Variants in APBB1IP observed in about 807,000 individuals in gnomAD.
The protein encoded by APBB1IP is amyloid beta precursor protein binding family B member 1 interacting protein, also known as amyloid beta A4 precursor protein-binding family B member 1-interacting protein.
Under a neutral mutation model 64.9 loss-of-function variants are expected in APBB1IP, and 27 were observed. That is an observed-to-expected ratio of 0.42 (90% CI 0.31 to 0.57). APBB1IP has a LOEUF of 0.57. Among genes scored for constraint, APBB1IP ranks in the 20% least tolerant of loss-of-function variants. APBB1IP has a pLI of 0.20. For missense variants in APBB1IP, 812 were observed against 845.5 expected (o/e 0.96, Z 0.49); for synonymous variants, 392 against 331.0 (o/e 1.18, Z -2.00).
chr10:26,477,666 C>T (rs572782683), intron 2 of APBB1IP, among the ~76,000 whole-genome samples: 46 of 152,320 alleles, frequency 3.0e-4, no homozygotes, highest in South Asian at 1.2e-3. Flanking sequence ...CTATGCTTAG[C>T]AACAAAACAC....
rs544472321 is a variant in APBB1IP at position 26,567,770 on chromosome 10, A to G, written c.*282A>G. Reference sequence around the variant, plus strand: ...GGTTCATTTATTTTATTATGTTCAGAAGCATCAAATAAAAGTTAAACGTTT... The same window carrying G: ...GGTTCATTTATTTTATTATGTTCAGGAGCATCAAATAAAAGTTAAACGTTT... On this transcript the variant is annotated 3_prime_UTR_variant, in exon 15 of 15. Transcript: ENST00000376236. The G allele has an allele frequency of 2.0e-6, 1 of 494,248 alleles. No homozygotes were observed. Among genetic ancestry groups the G allele is most frequent in the African/African-American group, 2.1e-5 (1 of 46,648 alleles). The allele number at this position is 494,248 out of a possible 1,614,324, so 30.6% of individuals were successfully genotyped here. A position where few individuals can be genotyped will look rare whatever the true frequency, so the allele number is the denominator to read the frequency against.
chr10:26,509,812 C>G (rs938240922), intron 6 of APBB1IP: 3 of 152,122 alleles, frequency 2.0e-5, no homozygotes, highest in East Asian at 3.8e-4. Context: ...TGAGTCTTAT[C>G]GTTGAATAAC....
At chr10:26,533,696 T>C (rs1836583038) in intron 9 of APBB1IP, among the ~76,000 whole-genome samples, 171 bp downstream of exon 9, 1 of 152,206 alleles carries the variant, frequency 6.6e-6, no homozygotes, top group Non-Finnish European at 1.5e-5. Context: ...TTCAACTGTT[T>C]TTCTTTTTTG....
intron 3 of APBB1IP, among the ~76,000 whole-genome samples, chr10:26,493,568 C>G (rs999159372): frequency 6.6e-6 from 1 of 152,164 alleles, no homozygotes; most frequent in Admixed American, 6.5e-5. Flanking sequence ...TCCCTGACTT[C>G]CCGCAACACC....
intron 2 of APBB1IP, among the ~76,000 whole-genome samples, chr10:26,477,001 A>G (rs1835784296): frequency 6.6e-6 from 1 of 152,086 alleles, no homozygotes; most frequent in African/African-American, 2.4e-5. Flanking sequence ...GGGTTTCACC[A>G]TATTGGCCAG....
At chr10:26,473,302 A>G (rs1170266205) in intron 2 of APBB1IP, among the ~76,000 whole-genome samples, 2 of 152,212 alleles carry the variant, frequency 1.3e-5, no homozygotes, top group Non-Finnish European at 2.9e-5. Flanking sequence ...TACCTAATGG[A>G]TAATCTTTCA....
chr10:26,522,003 G>A (rs1019455462), intron 8 of APBB1IP, among the ~76,000 whole-genome samples: 3 of 152,092 alleles, frequency 2.0e-5, no homozygotes, highest in African/African-American at 4.8e-5. Flanking sequence ...TGCCCACCTC[G>A]GCCTCCCAAA....
At chr10:26,447,689 T>G in intron 2 of APBB1IP, among the ~76,000 whole-genome samples, 1 of 152,216 alleles carries the variant, frequency 6.6e-6, no homozygotes, top group East Asian at 1.9e-4. Context: ...TTAAATTTCC[T>G]TGGTGCCACA....
intron 8 of APBB1IP, among the ~76,000 whole-genome samples, chr10:26,519,122 A>G (rs558128336): frequency 3.3e-5 from 5 of 150,880 alleles, no homozygotes; most frequent in Non-Finnish European, 5.9e-5. Flanking sequence ...TAAAAATACA[A>G]AAATTAGCCA....
intron 8 of APBB1IP, among the ~76,000 whole-genome samples, chr10:26,517,513 C>A (rs1361814320): frequency 6.6e-6 from 1 of 152,234 alleles, no homozygotes; most frequent in African/African-American, 2.4e-5. Flanking sequence ...GATCTTGGCT[C>A]ACTGCAACCT....
intron 4 of APBB1IP, 87 bp downstream of exon 4, chr10:26,496,478 T>A: frequency 2.0e-6 from 2 of 1,023,122 alleles, no homozygotes; most frequent in Non-Finnish European, 2.9e-6. Context: ...AAAACTAAAT[T>A]AAAGGAACCT....
At chr10:26,557,344 G>A (rs1392892058) in intron 11 of APBB1IP, among the ~76,000 whole-genome samples, 1 of 152,210 alleles carries the variant, frequency 6.6e-6, no homozygotes, top group East Asian at 1.9e-4. Flanking sequence ...GAATGTCTGT[G>A]TTCCTGTTTG....
intron 2 of APBB1IP, among the ~76,000 whole-genome samples, chr10:26,465,110 G>T (rs1835633440): frequency 6.6e-6 from 1 of 152,196 alleles, no homozygotes; most frequent in Admixed American, 6.5e-5. Context: ...TGCAGACCAG[G>T]CGTGATTCCC....
intron 11 of APBB1IP, among the ~76,000 whole-genome samples, chr10:26,552,003 C>T (rs183923903): frequency 3.0e-4 from 46 of 152,196 alleles, no homozygotes; most frequent in African/African-American, 1.1e-3. Context: ...TTGTGTCCTT[C>T]AAAACATGGT....
chr10:26,439,986 G>A (rs943375673), intron 2 of APBB1IP, among the ~76,000 whole-genome samples: 1 of 152,206 alleles, frequency 6.6e-6, no homozygotes. Flanking sequence ...GCAAGGATCT[G>A]CTGAGAAATA....
intron 6 of APBB1IP, among the ~76,000 whole-genome samples, chr10:26,508,832 A>C (rs962255280): frequency 6.6e-6 from 1 of 152,216 alleles, no homozygotes; most frequent in African/African-American, 2.4e-5. Context: ...TTCTGCAAAA[A>C]AACACCTTTA....
At chr10:26,450,545 T>A (rs1835454027) in intron 2 of APBB1IP, among the ~76,000 whole-genome samples, 1 of 152,186 alleles carries the variant, frequency 6.6e-6, no homozygotes, top group Non-Finnish European at 1.5e-5. Context: ...TATACACTAA[T>A]ATTTTTATTC....
intron 2 of APBB1IP, among the ~76,000 whole-genome samples, chr10:26,442,199 T>A (rs10828993): frequency 0.39 from 59,007 of 152,004 alleles, 11,636 homozygotes; most frequent in South Asian, 0.49. Context: ...CGGGAGAAGG[T>A]TGAATAGAAG....
chr10:26,537,512 C>T (rs75639847), intron 10 of APBB1IP, among the ~76,000 whole-genome samples: 1 of 152,210 alleles, frequency 6.6e-6, no homozygotes, highest in Admixed American at 6.5e-5. Context: ...CAGTCCCACA[C>T]TGGGCACCTC....
Sources: allele counts gnomAD v4.1 joint callset (sites outside exome capture counted in the v4.1 genomes callset), GRCh38; gene constraint gnomAD v4.1.1; transcripts MANE v1.5; gene names NCBI Gene and HGNC (gene_info 2026-07-23, HGNC 2026-07-21).